Variants in FUCA1 observed in about 807,000 individuals in gnomAD.
FUCA1 encodes tissue alpha-L-fucosidase.
A neutral mutation model predicts 56.8 loss-of-function variants in FUCA1; 52 were observed. The observed-to-expected ratio is 0.92, with a 90% confidence interval of 0.73 to 1.15. The LOEUF (loss-of-function observed/expected upper bound fraction) is 1.15. Among genes scored for constraint, FUCA1 ranks in the 50% most tolerant of loss-of-function variants. The pLI, the probability that FUCA1 is intolerant of heterozygous loss-of-function variation, is 0.00. For synonymous variants in FUCA1, 230 were observed against 226.6 expected, an observed-to-expected ratio of 1.02 and a Z score of -0.14; for missense variants, 568 against 592.6, an observed-to-expected ratio of 0.96 and a Z score of 0.43.
intron 5 of FUCA1, among the ~76,000 whole-genome samples, chr1:23,854,098 C>T (rs1231118308): frequency 7.3e-5 from 11 of 151,530 alleles, no homozygotes; most frequent in African/African-American, 2.7e-4. Flanking sequence ...AAATAAAAAA[C>T]TGGACACCCT....
chr1:23,861,120 G>A (rs1639501524), intron 3 of FUCA1, among the ~76,000 whole-genome samples: 1 of 151,130 alleles, frequency 6.6e-6, no homozygotes, highest in Non-Finnish European at 1.5e-5. Context: ...TCGGGAGATC[G>A]AGACCATCCT....
chr1:23,852,528 C>T lies in FUCA1; in HGVS notation c.969+1832G>A, dbSNP rs533215252. ...CCACGGTCTCCCACTGATGCCGAGCCGAAGCTGGACTGTACTGCTGCCACC... is the reference window on the plus strand; with the variant it reads ...CCACGGTCTCCCACTGATGCCGAGCTGAAGCTGGACTGTACTGCTGCCACC... On this transcript the variant is annotated intron_variant, in intron 5 of 7. Transcript: ENST00000374479. Among the ~76,000 whole-genome samples the T allele has an allele frequency of 1.9e-3, 294 of 152,040 alleles. 3 individuals are homozygous for T. The highest frequency in any genetic ancestry group is 2.8e-3 in the Non-Finnish European group (187 of 67,936).
intron 3 of FUCA1, among the ~76,000 whole-genome samples, chr1:23,862,419 G>C (rs554043818): frequency 2.0e-5 from 3 of 152,064 alleles, no homozygotes; most frequent in Non-Finnish European, 2.9e-5. Context: ...TGCCTGCCTC[G>C]GCCTCCCAAA....
chr1:23,857,491 G>A (rs74223775), intron 4 of FUCA1, among the ~76,000 whole-genome samples: 15,244 of 151,846 alleles, frequency 0.1, 857 homozygotes, highest in East Asian at 0.21. Flanking sequence ...TCAAGTTCCA[G>A]AAAACCACTC....
chr1:23,863,937 A>G (rs1053935209), intron 2 of FUCA1, among the ~76,000 whole-genome samples: 4 of 152,164 alleles, frequency 2.6e-5, no homozygotes, highest in African/African-American at 9.6e-5. Flanking sequence ...AAAATTTCAT[A>G]TTTAAAGAAA....
rs886046322 is a variant in FUCA1 at position 23,845,188 on chromosome 1, T to C, written c.*527A>G. On this transcript the variant is annotated 3_prime_UTR_variant, in exon 8 of 8. Transcript: ENST00000374479. ...ATAGTATCACTGTAAACATAGCGAA[T>C]TTTGGCGCTTTTAGATTGCTCTGAA... The C allele has an allele frequency of 5.6e-6, 1 of 178,842 alleles. No homozygotes were observed. Among genetic ancestry groups the C allele is most frequent in the African/African-American group, 2.4e-5 (1 of 41,878 alleles). 11.1% of individuals were successfully genotyped at this position (178,842 alleles called of 1,614,324 possible).
At position 23,867,855 on chromosome 1, in the gene FUCA1, G is replaced by A; in HGVS notation, c.389+43C>T. ...CGCCCAGCCCCACCTCCTGTTTGCC[G>A]CCCGAGCCGGGAAGGGGCGCCGCTC... On this transcript the variant is annotated intron_variant, in intron 1 of 7. Transcript: ENST00000374479. This position sits in a 1 kb window ranked among gnomAD's most constrained non-coding sequence, Gnocchi z 4.9. 1 of 1,522,234 alleles carries A rather than the reference G, an allele frequency of 6.6e-7. No individual in the cohort carries two copies. Among genetic ancestry groups the A allele is most frequent in the Non-Finnish European group, 8.8e-7 (1 of 1,138,338 alleles). The allele number at this position is 1,522,234 out of a possible 1,614,324, so 94.3% of individuals were successfully genotyped here.
At chr1:23,854,336 CA>C in intron 5 of FUCA1, 23 bp downstream of exon 5, 2 of 1,556,498 alleles carry the variant, frequency 1.3e-6, no homozygotes, top group Non-Finnish European at 1.8e-6. Context: ...AAAACAAAAA[CA>C]AAAAACTCAA....
In FUCA1 at chr1:23,867,540, T is replaced by C. The variant is rs1049197457; in HGVS notation, c.389+358A>G. On this transcript the variant is annotated intron_variant, in intron 1 of 7. Coordinates refer to ENST00000374479, the MANE Select transcript of FUCA1 (RefSeq NM_000147.5). The surrounding 1 kb of genome is among the most constrained non-coding windows in gnomAD (Gnocchi z 4.9). ...TGAAGTGACATGTCCAGGTTCACAGTTGAATTAGAACCAGGCTCCACACCA... is the reference window on the plus strand; with the variant it reads ...TGAAGTGACATGTCCAGGTTCACAGCTGAATTAGAACCAGGCTCCACACCA... 6.6e-6 allele frequency among the ~76,000 whole-genome samples: 1 copy of C among 152,014 alleles called. No homozygotes were observed. Among genetic ancestry groups the C allele is most frequent in the African/African-American group, 2.4e-5 (1 of 41,370 alleles).
Position 23,854,429 on chromosome 1 carries a change from G to C in FUCA1, c.900C>G (p.Asp300Glu). 2 of 1,614,070 alleles carry C rather than the reference G, an allele frequency of 1.2e-6. No individual in the cohort carries two copies. The highest frequency in any genetic ancestry group is 2.7e-5 in the African/African-American group (2 of 75,012). The change falls in exon 5 of 8, where the codon GAC becomes GAG. Residue 300 changes from aspartate to glutamate, a missense_variant. Transcript: ENST00000374479. The stretch of plus-strand genomic sequence containing the variant: ...CACGACGATAGCCCCAGGAAAACTT[G>C]TCAATGCTGGTGCACATCTCCCACT... ...DHKWEMCTSI[D>E]KFSWGYRRDM...
In FUCA1 at chr1:23,865,543, C is replaced by G. The variant is rs550936524; in HGVS notation, c.472G>C (p.Val158Leu). 2 of 1,614,196 alleles carry G rather than the reference C, an allele frequency of 1.2e-6. No individual in the cohort carries two copies. The highest frequency in any genetic ancestry group is 4.5e-5 in the East Asian group (2 of 44,882). ...CCAACCAAATCCCGATGAGGCCCCA[C>G]GTCTTTGGAGTTCCAGTTCCAAGAC... is the stretch of plus-strand genomic sequence containing the variant. ...PVSWNWNSKD[V>L]GPHRDLVGEL... The change falls in exon 2 of 8, where the codon GTG becomes CTG. Residue 158 changes from valine to leucine, a missense_variant. Coordinates refer to ENST00000374479, the MANE Select transcript of FUCA1 (RefSeq NM_000147.5).
At position 23,867,707 on chromosome 1, in the gene FUCA1, T is replaced by A; in HGVS notation, c.389+191A>T. The A allele has an allele frequency of 1.0e-6, 1 of 984,756 alleles. No individual in the cohort carries two copies. The highest frequency in any genetic ancestry group is 1.7e-5 in the African/African-American group (1 of 57,282). The allele number at this position is 984,756 out of a possible 1,614,324, so 61.0% of individuals were successfully genotyped here. ...ATCTCCCTGAACCTTCATTTATCAG[T>A]CCCCAGTCAAACGCACCTCCTCCTC... On this transcript the variant is annotated intron_variant, in intron 1 of 7. Transcript: ENST00000374479. This position sits in a 1 kb window ranked among gnomAD's most constrained non-coding sequence, Gnocchi z 4.9.
chr1:23,856,001 C>T (rs1639381642), intron 4 of FUCA1, among the ~76,000 whole-genome samples: 1 of 152,138 alleles, frequency 6.6e-6, no homozygotes. Flanking sequence ...TACAATATGA[C>T]ATCATATCAG....
intron 4 of FUCA1, 136 bp downstream of exon 4, chr1:23,859,662 G>A (rs1226769703): frequency 3.0e-6 from 2 of 662,484 alleles, no homozygotes; most frequent in Non-Finnish European, 2.8e-6. Flanking sequence ...CATCCATTAA[G>A]TGTCCCAGTC....
At position 23,864,279 on chromosome 1, in the gene FUCA1, G is replaced by A. The variant is rs995077927; in HGVS notation, c.525-1008C>T. ...TTTATTTTTTATTTTTACTAGAGAC[G>A]GGGTTTCACTGTGTTAGCCAGGATG... is the stretch of plus-strand genomic sequence containing the variant. On this transcript the variant is annotated intron_variant, in intron 2 of 7. Coordinates refer to ENST00000374479, the MANE Select transcript of FUCA1 (RefSeq NM_000147.5). Among the ~76,000 whole-genome samples, 7 of 151,872 alleles carry A rather than the reference G, an allele frequency of 4.6e-5. 1 individual carries two copies. In the South Asian group the frequency reaches 6.2e-4, roughly 14 times the overall value.
rs184993786 is a variant in FUCA1 at position 23,862,938 on chromosome 1, A to G, written c.662+196T>C. 1.8e-3 allele frequency among the ~76,000 whole-genome samples: 271 copies of G among 152,352 alleles called. 1 individual carries two copies. The highest frequency in any genetic ancestry group is 5.6e-3 in the African/African-American group (232 of 41,592). On this transcript the variant is annotated intron_variant, in intron 3 of 7. Transcript: ENST00000374479. The stretch of plus-strand genomic sequence containing the variant: ...TGTGATTGTTTCAATGTAGAAGGCA[A>G]TATGGCCACATGACAGAAGTTCTGA...
chr1:23,859,105 T>C (rs1639454069), intron 4 of FUCA1, among the ~76,000 whole-genome samples: 1 of 152,106 alleles, frequency 6.6e-6, no homozygotes, highest in Non-Finnish European at 1.5e-5. Flanking sequence ...TATGTTTTCT[T>C]TGTATTTTAT....
intron 4 of FUCA1, among the ~76,000 whole-genome samples, chr1:23,859,521 G>T (rs1471380815): frequency 6.6e-6 from 1 of 150,776 alleles, no homozygotes; most frequent in South Asian, 2.1e-4. Context: ...AGCGGAGATC[G>T]CACCACTGTA....
intron 4 of FUCA1, among the ~76,000 whole-genome samples, chr1:23,859,394 CTG>C (rs1266656837): frequency 6.6e-6 from 1 of 151,996 alleles, no homozygotes; most frequent in Non-Finnish European, 1.5e-5. Flanking sequence ...TGGCGAAACC[CTG>C]TCTCTACTAA....
Sources: allele counts gnomAD v4.1 joint callset (sites outside exome capture counted in the v4.1 genomes callset), GRCh38; gene constraint gnomAD v4.1.1; non-coding constraint Gnocchi (gnomAD v3.1); transcripts MANE v1.5; gene names NCBI Gene and HGNC (gene_info 2026-07-23, HGNC 2026-07-21).